Variants in NPAS3 observed in about 807,000 individuals in gnomAD.
NPAS3 encodes neuronal PAS domain protein 3.
In NPAS3, 14 loss-of-function variants were observed where a neutral mutation model predicts 73.1. That is an observed-to-expected ratio of 0.19 (90% CI 0.13 to 0.30). The LOEUF is 0.30. NPAS3 is among the 10% of genes least tolerant of loss of function. NPAS3 has a pLI of 1.00. For synonymous variants in NPAS3, 620 were observed against 541.5 expected (o/e 1.14, Z -2.01); for missense variants, 1,096 against 1,250.0 (o/e 0.88, Z 1.86).
At chr14:33,414,296 G>C (rs2048057247) in intron 4 of NPAS3, among the ~76,000 whole-genome samples, 1 of 152,084 alleles carries the variant, frequency 6.6e-6, no homozygotes, top group African/African-American at 2.4e-5. Context: ...CAAGAGTTCA[G>C]TTGGTGGGGA....
intron 1 of NPAS3, among the ~76,000 whole-genome samples, chr14:33,002,933 C>T (rs1454785043): frequency 3.3e-5 from 5 of 152,150 alleles, no homozygotes; most frequent in African/African-American, 4.8e-5. Flanking sequence ...GTCATTCACA[C>T]TCTCTGTATA....
intron 5 of NPAS3, among the ~76,000 whole-genome samples, chr14:33,670,622 C>CG (rs397853019): frequency 5.5e-5 from 8 of 145,196 alleles, no homozygotes; most frequent in Non-Finnish European, 1.2e-4. Flanking sequence ...GTGACCCCCC[C>CG]TCAAAAAAAA....
chr14:33,119,482 C>G (rs949127322), intron 2 of NPAS3, among the ~76,000 whole-genome samples: 1 of 152,052 alleles, frequency 6.6e-6, no homozygotes, highest in Admixed American at 6.6e-5. Flanking sequence ...TTCTCCAGCT[C>G]AGGGCTAGGT....
intron 3 of NPAS3, among the ~76,000 whole-genome samples, chr14:33,300,681 G>A (rs1282709598): frequency 6.6e-6 from 1 of 152,174 alleles, no homozygotes; most frequent in African/African-American, 2.4e-5. Flanking sequence ...CATAGAGCAG[G>A]GGAGAGGCTC....
chr14:33,511,815 G>A (rs1289313700), intron 4 of NPAS3, among the ~76,000 whole-genome samples: 2 of 152,060 alleles, frequency 1.3e-5, no homozygotes, highest in Non-Finnish European at 2.9e-5. Context: ...CATTTACTAT[G>A]ATAGCAGGTA....
chr14:33,222,527 T>C (rs549569138), intron 3 of NPAS3, among the ~76,000 whole-genome samples: 13 of 152,210 alleles, frequency 8.5e-5, no homozygotes, highest in African/African-American at 1.4e-4. Flanking sequence ...GCATTAGTAA[T>C]TTCTTTCTTT....
chr14:33,762,254 G>C (rs918432721), intron 7 of NPAS3, among the ~76,000 whole-genome samples: 5 of 149,850 alleles, frequency 3.3e-5, no homozygotes, highest in African/African-American at 1.3e-4. Context: ...TTGAGATGCT[G>C]TCTTTTTTTT....
At chr14:33,463,834 A>G (rs2050383268) in intron 4 of NPAS3, among the ~76,000 whole-genome samples, 1 of 152,200 alleles carries the variant, frequency 6.6e-6, no homozygotes, top group Non-Finnish European at 1.5e-5. Flanking sequence ...CAGTGATGTG[A>G]GGTGACCCAT....
chr14:32,962,271 A>T (rs1235713354), intron 1 of NPAS3, among the ~76,000 whole-genome samples: 1 of 152,198 alleles, frequency 6.6e-6, no homozygotes, highest in African/African-American at 2.4e-5. Flanking sequence ...ACGTAAGACT[A>T]GATTTTTTGT....
At chr14:33,707,055 C>G (rs112147050) in intron 6 of NPAS3, among the ~76,000 whole-genome samples, 1 of 152,124 alleles carries the variant, frequency 6.6e-6, no homozygotes, top group Non-Finnish European at 1.5e-5. Flanking sequence ...ACAGTGTAAG[C>G]TTGGGGGAGA....
At chr14:33,439,714 G>A (rs377085876) in intron 4 of NPAS3, among the ~76,000 whole-genome samples, 1 of 152,180 alleles carries the variant, frequency 6.6e-6, no homozygotes, top group Non-Finnish European at 1.5e-5. Context: ...GCAGTAACTC[G>A]TCAGTGCTAA....
intron 1 of NPAS3, among the ~76,000 whole-genome samples, chr14:32,998,285 A>G (rs897179423): frequency 6.6e-6 from 1 of 152,242 alleles, no homozygotes; most frequent in African/African-American, 2.4e-5. Context: ...AAAAGGTCAC[A>G]TATGCTATGA....
chr14:33,058,698 T>C (rs1007066137), intron 2 of NPAS3, among the ~76,000 whole-genome samples: 6 of 152,354 alleles, frequency 3.9e-5, no homozygotes, highest in Admixed American at 3.3e-4. Flanking sequence ...TCTTATTTTG[T>C]GAGGCTCCCT....
chr14:33,662,285 CTT>C (rs1465460842), intron 5 of NPAS3, among the ~76,000 whole-genome samples: 3 of 152,176 alleles, frequency 2.0e-5, no homozygotes, highest in African/African-American at 7.2e-5. Context: ...TTGAAATACT[CTT>C]CATCTTGAGC....
intron 4 of NPAS3, among the ~76,000 whole-genome samples, chr14:33,448,923 C>T (rs548774387): frequency 6.6e-6 from 1 of 152,122 alleles, no homozygotes; most frequent in Admixed American, 6.5e-5. Flanking sequence ...CCCAAACGAT[C>T]TGATAATAAA....
intron 6 of NPAS3, among the ~76,000 whole-genome samples, chr14:33,700,154 C>T (rs2060489074): frequency 6.6e-6 from 1 of 152,116 alleles, no homozygotes; most frequent in South Asian, 2.1e-4. Flanking sequence ...TCTTGAAACT[C>T]ATGGATATGA....
chr14:33,733,629 C>T (rs536269331), intron 6 of NPAS3, among the ~76,000 whole-genome samples: 36 of 152,020 alleles, frequency 2.4e-4, no homozygotes, highest in Non-Finnish European at 4.3e-4. Context: ...CGTATTATGG[C>T]GTGTTAGATG....
rs561026636 is a variant in NPAS3 at position 33,417,907 on chromosome 14, C to A, written c.468+50639C>A. 2.7e-3 allele frequency among the ~76,000 whole-genome samples: 411 copies of A among 152,100 alleles called. 4 individuals are homozygous for A. The highest frequency in any genetic ancestry group is 9.4e-3 in the African/African-American group (391 of 41,520). The stretch of plus-strand genomic sequence containing the variant: ...AAAAACTTGTATTGACAGAGGACTT[C>A]TATTTGTTTTCCACAGAATAGTTTT... On this transcript the variant is annotated intron_variant, in intron 4 of 11. Coordinates refer to ENST00000356141, the Ensembl canonical transcript of NPAS3.
intron 1 of NPAS3, among the ~76,000 whole-genome samples, chr14:32,943,778 C>G (rs2036135079): frequency 6.6e-6 from 1 of 150,468 alleles, no homozygotes; most frequent in Non-Finnish European, 1.5e-5. Context: ...TCACTGCAAC[C>G]TCTGCCTTCA....
Sources: gnomAD v4.1 joint callset for allele counts (sites outside exome capture counted in the v4.1 genomes callset) on GRCh38, gnomAD v4.1.1 for gene constraint, MANE v1.5 for transcripts, NCBI Gene and HGNC (gene_info 2026-07-23, HGNC 2026-07-21) for gene names.